The following MTMR10 variants were observed in gnomAD, a reference collection of about 807,000 sequenced individuals.
MTMR10 encodes the protein myotubularin related protein 10.
A neutral mutation model predicts 88.1 loss-of-function variants in MTMR10; 56 were observed. The observed-to-expected ratio is 0.64, with a 90% CI of 0.51 to 0.79. The LOEUF (loss-of-function observed/expected upper bound fraction) is 0.79, where lower values mean the gene tolerates loss of function less well. Ranked by LOEUF, MTMR10 falls within the 30% of genes least tolerant of loss-of-function variation. The pLI is 0.00. For missense variants in MTMR10, 883 were observed against 924.7 expected (o/e 0.95, Z 0.58); for synonymous variants, 380 against 340.9 (o/e 1.11, Z -1.26).
the MTMR10 span, chr15:30,928,929 C>A: frequency 2.4e-6 from 1 of 409,604 alleles, no homozygotes; most frequent in Non-Finnish European, 3.3e-6. Flanking sequence ...GAGCACCTGC[C>A]GTGTCGCAGG....
chr15:30,923,215 G>A, the MTMR10 span, among the ~76,000 whole-genome samples: 179 of 152,314 alleles, frequency 1.2e-3, 1 homozygote, highest in African/African-American at 4.3e-3. Context: ...CACGTATCAG[G>A]GAAAGAGCCA....
intron 6 of MTMR10, among the ~76,000 whole-genome samples, chr15:30,967,617 A>G (rs541486670): frequency 6.6e-6 from 1 of 152,298 alleles, no homozygotes; most frequent in South Asian, 2.1e-4. Context: ...AACTCAAGCT[A>G]TCAATTAAAA....
Position 30,969,338 on chromosome 15 carries a change from G to A in MTMR10, c.475-1328C>T, listed in dbSNP as rs747879487. Among the ~76,000 whole-genome samples the A allele has an allele frequency of 5.9e-5, 9 of 151,886 alleles. 1 individual carries two copies. Among genetic ancestry groups the A allele is most frequent in the East Asian group, 3.8e-4 (2 of 5,196 alleles). ...TACCTATAGGAGAGCTTTCTATGAC[G>A]GTCCCACTTGCAAAATTTAGGAGCC... On this transcript the variant is annotated intron_variant, in intron 5 of 15. Transcript: ENST00000435680.
At chr15:30,969,545 T>A (rs2063512587) in intron 5 of MTMR10, among the ~76,000 whole-genome samples, 1 of 152,172 alleles carries the variant, frequency 6.6e-6, no homozygotes, top group African/African-American at 2.4e-5. Flanking sequence ...TTTGCTACAC[T>A]GCCATAGCCA....
chr15:30,974,315 T>C lies in MTMR10; in HGVS notation c.473A>G (p.Lys158Arg). Reference sequence around the variant, plus strand: ...CTTGATAAACCTTAACAGTATTACCTTTTTAGCACTTTCGGGACCTGATTC... The same window carrying C: ...CTTGATAAACCTTAACAGTATTACCCTTTTAGCACTTTCGGGACCTGATTC... ...FDESGPESAKKVCLAIAHYSQ... is the reference protein window; with the variant it reads ...FDESGPESAKRVCLAIAHYSQ... Residue 158 changes from lysine (K) to arginine (R), a missense_variant and splice_region_variant, in exon 5 of 16, where the codon AAG becomes AGG. Lys to Arg is a conservative substitution (Grantham distance 26). Transcript: ENST00000435680. The C allele has an allele frequency of 6.3e-7, 1 of 1,595,532 alleles. No homozygotes were observed. The highest frequency in any genetic ancestry group is 8.5e-7 in the Non-Finnish European group (1 of 1,169,770).
intron 14 of MTMR10, chr15:30,943,441 G>T (rs1409844711): frequency 2.0e-6 from 2 of 985,176 alleles, no homozygotes; most frequent in Non-Finnish European, 2.4e-6. Context: ...CACACGGTCA[G>T]TACATTTAAG....
At chr15:30,921,114 A>G in the MTMR10 span, among the ~76,000 whole-genome samples, 1 of 152,174 alleles carries the variant, frequency 6.6e-6, no homozygotes, top group Non-Finnish European at 1.5e-5. Flanking sequence ...CAACGAGGGC[A>G]TAGTTAATGT....
At chr15:30,919,722 G>A in the MTMR10 span, among the ~76,000 whole-genome samples, 1 of 143,672 alleles carries the variant, frequency 7.0e-6, no homozygotes, top group East Asian at 1.9e-4. Context: ...AAATCATAAG[G>A]AAGAGAAAAC....
intron 15 of MTMR10, 46 bp downstream of exon 15, chr15:30,942,840 GTGTT>G: frequency 6.7e-7 from 1 of 1,484,230 alleles, no homozygotes; most frequent in African/African-American, 1.4e-5. Context: ...TGAAAAAGAG[GTGTT>G]TGGTTACGTG....
downstream of MTMR10, among the ~76,000 whole-genome samples, chr15:30,938,258 CTTGAA>C (rs2062922992): frequency 6.6e-6 from 1 of 152,042 alleles, no homozygotes; most frequent in Non-Finnish European, 1.5e-5. Context: ...AACCGAGATT[CTTGAA>C]TTAAGTTTTT....
chr15:30,977,222 A>G (rs1255740617), intron 2 of MTMR10, among the ~76,000 whole-genome samples: 2 of 152,224 alleles, frequency 1.3e-5, no homozygotes, highest in Non-Finnish European at 2.9e-5. Context: ...CTTTTTTCCT[A>G]TGCCATACTA....
At chr15:30,975,142 A>G in intron 3 of MTMR10, 139 bp from the exon 4 acceptor site, 1 of 595,746 alleles carries the variant, frequency 1.7e-6, no homozygotes, top group Non-Finnish European at 2.9e-6. Context: ...AGCTAGGGCC[A>G]TTCCAATGTT....
At chr15:30,945,823 C>CT (rs1350754261) in intron 14 of MTMR10, among the ~76,000 whole-genome samples, 1 of 152,196 alleles carries the variant, frequency 6.6e-6, no homozygotes, top group East Asian at 1.9e-4. Context: ...GACTCTGGCT[C>CT]TATCACCCAG....
Position 30,941,283 on chromosome 15 carries a change from A to G in MTMR10, c.*187T>C. The stretch of plus-strand genomic sequence containing the variant: ...AATGACAGAAAGAGGACAGGAACAA[A>G]ATTTACATCTCTCTTAAAATAAGTG... On this transcript the variant is annotated 3_prime_UTR_variant, in exon 16 of 16. Coordinates refer to ENST00000435680, the MANE Select transcript of MTMR10 (RefSeq NM_017762.3). 6.7e-7 allele frequency: 1 copy of G among 1,503,576 alleles called. No individual in the cohort carries two copies. The highest frequency in any genetic ancestry group is 1.7e-4 in the Middle Eastern group (1 of 5,828). 93.1% of individuals were successfully genotyped at this position (1,503,576 alleles called of 1,614,324 possible). A position where few individuals can be genotyped will look rare whatever the true frequency, so the allele number is the denominator to read the frequency against.
the MTMR10 span, among the ~76,000 whole-genome samples, chr15:30,929,715 AATAT>A: frequency 1.8e-5 from 1 of 56,774 alleles, no homozygotes; most frequent in African/African-American, 6.6e-5. Context: ...TATCATATAT[AATAT>A]ATATAAAATA....
At chr15:30,988,863 T>A (rs1418607276) in intron 2 of MTMR10, among the ~76,000 whole-genome samples, 1 of 151,062 alleles carries the variant, frequency 6.6e-6, no homozygotes, top group Non-Finnish European at 1.5e-5. Flanking sequence ...GGTGGTGGGC[T>A]CCTGTAATCC....
the MTMR10 span, chr15:30,928,390 G>A: frequency 1.4e-6 from 2 of 1,450,766 alleles, no homozygotes; most frequent in Non-Finnish European, 1.8e-6. Context: ...AAAATAAACT[G>A]GGAATGGCGT....
At chr15:30,936,598 G>A (rs1255944833), downstream of MTMR10, among the ~76,000 whole-genome samples, 4 of 152,166 alleles carry the variant, frequency 2.6e-5, no homozygotes, top group East Asian at 3.8e-4. Context: ...ACATACAGAC[G>A]CTTCTCAACT....
rs557787296 is a variant in MTMR10, at chr15:30,987,715, T to TA, written c.121+3061dup. Among the ~76,000 whole-genome samples, 36 of 152,074 alleles carry TA rather than the reference T, an allele frequency of 2.4e-4. 1 individual carries two copies. The South Asian group carries it at 4.2e-3, about 18-fold the overall frequency. Reference sequence around the variant, plus strand: ...TTATTTTTTTTTTTAAGTTCTGGGATACATGTGCAGAATGTGCAGGTTTGT... The same window carrying TA: ...TTATTTTTTTTTTTAAGTTCTGGGATAACATGTGCAGAATGTGCAGGTTTGT... On this transcript the variant is annotated intron_variant, in intron 2 of 15. Transcript: ENST00000435680.
Sources: allele counts gnomAD v4.1 joint callset (sites outside exome capture counted in the v4.1 genomes callset), GRCh38; gene constraint gnomAD v4.1.1; transcripts MANE v1.5; gene names NCBI Gene and HGNC (gene_info 2026-07-23, HGNC 2026-07-21).